The following ZNF136 variants were observed in gnomAD, a reference collection of about 807,000 sequenced individuals.
ZNF136 encodes the protein zinc finger protein 136 (clone pHZ-20).
In ZNF136, 8 loss-of-function variants were observed where a neutral mutation model predicts 11.4. That is an observed-to-expected ratio of 0.70 (90% confidence interval 0.41 to 1.27). ZNF136 has a LOEUF of 1.27. Among genes scored for constraint, ZNF136 ranks in the 50% most tolerant of loss-of-function variants. The probability of loss-of-function intolerance (pLI) is 0.01; values close to 1 mark genes in which losing one functional copy is unlikely to be tolerated. For synonymous variants in ZNF136, 190 were observed against 207.1 expected (o/e 0.92, Z 0.71); for missense variants, 590 against 656.5 (o/e 0.90, Z 1.11).
intron 1 of ZNF136, among the ~76,000 whole-genome samples, chr19:12,180,463 G>A (rs1208071326): frequency 6.6e-6 from 1 of 152,160 alleles, no homozygotes; most frequent in East Asian, 1.9e-4. Flanking sequence ...TTGTGAGAAA[G>A]GAGAGGGGTT....
intron 3 of ZNF136, among the ~76,000 whole-genome samples, 169 bp from the exon 4 acceptor site, chr19:12,186,401 A>G (rs187216424): frequency 4.6e-5 from 7 of 152,340 alleles, no homozygotes; most frequent in Non-Finnish European, 2.9e-5. Context: ...TGTTTGAGTG[A>G]TAGTTGCGGT....
At chr19:12,173,006 A>C (rs957480427) in intron 1 of ZNF136, among the ~76,000 whole-genome samples, 1 of 152,056 alleles carries the variant, frequency 6.6e-6, no homozygotes, top group Non-Finnish European at 1.5e-5. Context: ...GCCAGACTCC[A>C]TCTCAAAAAA....
rs1047949774 is a variant in ZNF136 at position 12,189,075 on chromosome 19, G to T, written c.*1074G>T. On this transcript the variant is annotated 3_prime_UTR_variant, in exon 4 of 4. Transcript: ENST00000343979. Reference sequence around the variant, plus strand: ...GTGCATGAATTTCATAGGTAGTGTTGTTTTAGGTCAGTAAATAAAATATTT... The same window carrying T: ...GTGCATGAATTTCATAGGTAGTGTTTTTTTAGGTCAGTAAATAAAATATTT... The T allele has an allele frequency of 1.3e-5, 2 of 152,152 alleles. No homozygotes were observed. Among genetic ancestry groups the T allele is most frequent in the African/African-American group, 4.8e-5 (2 of 41,428 alleles). The allele number at this position is 152,152 out of a possible 1,614,324, so 9.4% of individuals were successfully genotyped here.
intron 1 of ZNF136, among the ~76,000 whole-genome samples, chr19:12,175,604 A>G (rs1044961086): frequency 6.6e-6 from 1 of 152,182 alleles, no homozygotes. Flanking sequence ...TCCAGCTATC[A>G]ACATTCTGCA....
chr19:12,177,811 A>G (rs1266289454), intron 1 of ZNF136, among the ~76,000 whole-genome samples: 3 of 152,192 alleles, frequency 2.0e-5, no homozygotes, highest in Non-Finnish European at 4.4e-5. Context: ...TCCTTTGCCC[A>G]TTTGAAAAAT....
rs200700405 is a variant in ZNF136, at chr19:12,187,349, G to A, written c.971G>A (p.Arg324Gln). 10 of 1,613,806 alleles carry A rather than the reference G, an allele frequency of 6.2e-6. No homozygotes were observed. Among genetic ancestry groups the A allele is most frequent in the Non-Finnish European group, 7.6e-6 (9 of 1,179,982 alleles). The change falls in exon 4 of 4, where the codon CGA (arginine) becomes CAA (glutamine). Residue 324 changes from arginine (R) to glutamine (Q), a missense_variant. Transcript: ENST00000343979. The stretch of plus-strand genomic sequence containing the variant: ...GCCTTCAGTTATCTCCCCTCCCTTC[G>A]ACTACATGAAAGAATTCACACTGGT... ...GKAFSYLPSL[R>Q]LHERIHTGEK...
rs758665636 is a variant in ZNF136 at position 12,163,174 on chromosome 19, G to T, written c.-30G>T. The T allele has an allele frequency of 5.3e-5, 75 of 1,403,150 alleles. No individual in the cohort carries two copies. Among genetic ancestry groups the T allele is most frequent in the Non-Finnish European group, 7.0e-5 (75 of 1,071,816 alleles). 86.9% of individuals were successfully genotyped at this position (1,403,150 alleles called of 1,614,324 possible). ...CTGTACCTGCCTTGGGATCCGGAGGGAGGAAGCTGGGACACCCGGGAGTCA... is the reference window on the plus strand; with the variant it reads ...CTGTACCTGCCTTGGGATCCGGAGGTAGGAAGCTGGGACACCCGGGAGTCA... On this transcript the variant is annotated 5_prime_UTR_variant, in exon 1 of 4. Coordinates refer to ENST00000343979, the MANE Select transcript of ZNF136 (RefSeq NM_003437.5).
At chr19:12,186,309 A>G (rs1915081763) in intron 3 of ZNF136, 135 bp downstream of exon 3, 1 of 978,664 alleles carries the variant, frequency 1.0e-6, no homozygotes. Context: ...CCAAATACAT[A>G]TTCTTCAGTG....
chr19:12,187,286 C>T lies in ZNF136; in HGVS notation c.908C>T (p.Thr303Ile). 1.9e-6 allele frequency: 3 copies of T among 1,614,128 alleles called. No homozygotes were observed. Among genetic ancestry groups the T allele is most frequent in the Non-Finnish European group, 2.5e-6 (3 of 1,180,010 alleles). Residue 303 changes from threonine to isoleucine, a missense_variant, in exon 4 of 4, where the codon ACT becomes ATT. By Grantham distance (89) the Thr-to-Ile change is moderately conservative. Coordinates refer to ENST00000343979, the MANE Select transcript of ZNF136 (RefSeq NM_003437.5). ...TTACGAATACATGAAAGAACCCATA[C>T]TGGAGAGAAACCTTATGAATGCAAG... ...PTLRIHERTHTGEKPYECKQC... is the reference protein window; with the variant it reads ...PTLRIHERTHIGEKPYECKQC...
chr19:12,168,001 T>A (rs904902712), intron 1 of ZNF136, among the ~76,000 whole-genome samples: 13 of 149,858 alleles, frequency 8.7e-5, no homozygotes, highest in South Asian at 2.1e-4. Flanking sequence ...GGCCTTTTTT[T>A]AAAAAATAAA....
chr19:12,173,906 CT>C (rs376213633), intron 1 of ZNF136, among the ~76,000 whole-genome samples: 2,252 of 148,966 alleles, frequency 0.015, 49 homozygotes, highest in African/African-American at 0.053. Context: ...GATTACTTGC[CT>C]TTTTTTTTTC....
At chr19:12,176,110 A>G (rs1183213316) in intron 1 of ZNF136, among the ~76,000 whole-genome samples, 2 of 152,180 alleles carry the variant, frequency 1.3e-5, no homozygotes, top group Non-Finnish European at 2.9e-5. Flanking sequence ...TTTGAAAATT[A>G]TGAATAACGC....
chr19:12,166,239 GA>G (rs533656548), intron 1 of ZNF136, among the ~76,000 whole-genome samples: 4 of 149,484 alleles, frequency 2.7e-5, no homozygotes, highest in Admixed American at 6.6e-5. Context: ...AAAAAAAAAA[GA>G]AAAAAAATTT....
chr19:12,171,135 C>T (rs150250300), intron 1 of ZNF136, among the ~76,000 whole-genome samples: 3 of 151,492 alleles, frequency 2.0e-5, no homozygotes, highest in African/African-American at 7.3e-5. Flanking sequence ...GCGCCAGGCC[C>T]CACCCAGCTA....
chr19:12,168,779 G>A (rs945133878), intron 1 of ZNF136, among the ~76,000 whole-genome samples: 1 of 151,836 alleles, frequency 6.6e-6, no homozygotes, highest in African/African-American at 2.4e-5. Context: ...GGGTTCAAGC[G>A]ATTCTCCTGC....
At chr19:12,179,293 A>G (rs762236513) in intron 1 of ZNF136, among the ~76,000 whole-genome samples, 49 of 152,178 alleles carry the variant, frequency 3.2e-4, no homozygotes, top group Non-Finnish European at 4.3e-4. Flanking sequence ...GAGAGCGCTC[A>G]AAAGAATTTC....
rs192702562 is a variant in ZNF136, at chr19:12,181,877, C to T, written c.4-3908C>T. ...GTTTCGATCTCCTGACCTCGCAATC[C>T]GCCTGTCTCTGCCTCCCAAAGTACT... is the stretch of plus-strand genomic sequence containing the variant. On this transcript the variant is annotated intron_variant, in intron 1 of 3. Transcript: ENST00000343979. Among the ~76,000 whole-genome samples the T allele has an allele frequency of 6.5e-3, 987 of 152,226 alleles. 15 individuals carry two copies. Among genetic ancestry groups the T allele is most frequent in the African/African-American group, 0.023 (938 of 41,550 alleles).
At chr19:12,173,017 AAAC>A (rs1398540320) in intron 1 of ZNF136, among the ~76,000 whole-genome samples, 2 of 152,150 alleles carry the variant, frequency 1.3e-5, no homozygotes, top group African/African-American at 4.8e-5. Context: ...TCTCAAAAAA[AAAC>A]AAAAAAATTC....
chr19:12,172,655 A>G (rs376030054), intron 1 of ZNF136, among the ~76,000 whole-genome samples: 2 of 152,332 alleles, frequency 1.3e-5, no homozygotes. Context: ...CAGTTAGGCA[A>G]TTAGGTGAGA....
Sources: allele counts gnomAD v4.1 joint callset (sites outside exome capture counted in the v4.1 genomes callset), GRCh38; gene constraint gnomAD v4.1.1; transcripts MANE v1.5; gene names NCBI Gene and HGNC (gene_info 2026-07-23, HGNC 2026-07-21).